ZNF177: variants seen among roughly 807,000 people sequenced by gnomAD.
ZNF177 encodes the protein zinc finger protein 177.
In ZNF177, 17 loss-of-function variants were observed where a neutral mutation model predicts 19.4. The observed-to-expected ratio is 0.87, with a 90% CI of 0.60 to 1.31. The LOEUF is 1.31. ZNF177 is among the 40% of genes most tolerant of loss of function. The pLI, the probability that ZNF177 is intolerant of heterozygous loss-of-function variation, is 0.00. For missense variants in ZNF177, 633 were observed against 561.8 expected (o/e 1.13, Z -1.28); for synonymous variants, 220 against 188.7 (o/e 1.17, Z -1.36).
chr19:9,373,677 T>A (rs114815574), upstream of ZNF177, among the ~76,000 whole-genome samples: 114 of 152,318 alleles, frequency 7.5e-4, no homozygotes, highest in African/African-American at 2.6e-3. Context: ...TTTTGATTGG[T>A]ACGTCCCTAA....
rs753409285 is a variant in ZNF177 at position 9,379,595 on chromosome 19, G to C, written c.229G>C (p.Gly77Arg). 63 of 1,613,766 alleles carry C rather than the reference G, an allele frequency of 3.9e-5. No individual in the cohort carries two copies. The highest frequency in any genetic ancestry group is 5.3e-5 in the Non-Finnish European group (62 of 1,179,908). Residue 77 changes from glycine (G) to arginine (R), a missense_variant, in exon 4 of 6, where the codon GGA (glycine) becomes CGA (arginine). Physicochemically the swap from Gly to Arg is moderately radical, Grantham distance 125 (BLOSUM62 -2). Transcript: ENST00000589262. ...AGAACAGCTGAAGACAGATGAAAGAGGAATTTTACAAGGTGACTGTGCAGG... is the reference window on the plus strand; with the variant it reads ...AGAACAGCTGAAGACAGATGAAAGACGAATTTTACAAGGTGACTGTGCAGG...
At chr19:9,374,555 A>T (rs2068086083), upstream of ZNF177, among the ~76,000 whole-genome samples, 1 of 152,050 alleles carries the variant, frequency 6.6e-6, no homozygotes, top group African/African-American at 2.4e-5. Flanking sequence ...TACTTTCACC[A>T]GTGTTTTAGA....
chr19:9,380,992 G>C, exon 6 of ZNF177: 1 of 1,561,526 alleles, frequency 6.4e-7, no homozygotes, highest in Non-Finnish European at 8.6e-7. Flanking sequence ...TTCCTGCTCA[G>C]TACGTGAGCA....
chr19:9,364,255 G>A (rs889033376), intron 1 of ZNF177, among the ~76,000 whole-genome samples: 4 of 152,172 alleles, frequency 2.6e-5, no homozygotes, highest in Non-Finnish European at 4.4e-5. Context: ...ATATACAGAT[G>A]TTCTCCTTTT....
chr19:9,376,961 A>G (rs1243607616), intron 1 of ZNF177, among the ~76,000 whole-genome samples: 1 of 152,138 alleles, frequency 6.6e-6, no homozygotes, highest in Non-Finnish European at 1.5e-5. Context: ...TCCATTACTG[A>G]TGAAGCCCCT....
chr19:9,373,203 T>G (rs1319366725), upstream of ZNF177, among the ~76,000 whole-genome samples: 1 of 152,196 alleles, frequency 6.6e-6, no homozygotes, highest in Non-Finnish European at 1.5e-5. Context: ...AGTTTGACTT[T>G]TCTAGATTCC....
At chr19:9,377,510 G>A (rs923065914) in intron 1 of ZNF177, among the ~76,000 whole-genome samples, 16 of 152,120 alleles carry the variant, frequency 1.1e-4, no homozygotes, top group Admixed American at 1.0e-3. Context: ...ACGGTAGAAG[G>A]TGTCAGACAG....
At chr19:9,371,459 TTTC>T (rs2068046337), upstream of ZNF177, among the ~76,000 whole-genome samples, 3 of 152,186 alleles carry the variant, frequency 2.0e-5, no homozygotes, top group South Asian at 6.2e-4. Flanking sequence ...TATCTTTGTA[TTTC>T]TTATAAAGAG....
intron 2 of ZNF177, 106 bp downstream of exon 4, chr19:9,378,450 A>G (rs2068142697): frequency 1.3e-6 from 2 of 1,533,690 alleles, no homozygotes; most frequent in Admixed American, 2.0e-5. Context: ...AGCTGGCTTC[A>G]TCTTCCGCAG....
chr19:9,367,145 C>T (rs543609362), intron 2 of ZNF177, among the ~76,000 whole-genome samples: 3 of 152,134 alleles, frequency 2.0e-5, no homozygotes, highest in East Asian at 3.9e-4. Flanking sequence ...ACGGTGAAAC[C>T]CCGTCTCTAC....
chr19:9,377,208 A>G lies in ZNF177; in HGVS notation c.-54+785A>G, dbSNP rs117305460. On this transcript the variant is annotated intron_variant, in intron 1 of 5. Transcript: ENST00000589262. ...AAAGCACATTACTCACATGTCTGTC[A>G]TTTAAACCTGCTGCACTGCCAGTCA... is the stretch of plus-strand genomic sequence containing the variant. Among the ~76,000 whole-genome samples the G allele has an allele frequency of 2.6e-5, 4 of 152,308 alleles. No homozygotes were observed. In the East Asian group the frequency reaches 7.7e-4, roughly 29 times the overall value.
chr19:9,374,034 C>A (rs1459332269), upstream of ZNF177, among the ~76,000 whole-genome samples: 1 of 152,012 alleles, frequency 6.6e-6, no homozygotes, highest in Admixed American at 6.6e-5. Context: ...GTTTTATGAT[C>A]TCAGGTCTTA....
At chr19:9,372,039 T>C (rs923558939), upstream of ZNF177, among the ~76,000 whole-genome samples, 104 of 152,340 alleles carry the variant, frequency 6.8e-4, no homozygotes, top group African/African-American at 2.3e-3. Context: ...GTCTTACACA[T>C]GGTACATTGT....
At chr19:9,374,513 C>T (rs1178443853), upstream of ZNF177, among the ~76,000 whole-genome samples, 2 of 152,164 alleles carry the variant, frequency 1.3e-5, no homozygotes, top group Non-Finnish European at 2.9e-5. Context: ...AATCCATGAA[C>T]ACTGGGTGGC....
intron 2 of ZNF177, among the ~76,000 whole-genome samples, chr19:9,367,074 A>G (rs935017772): frequency 6.6e-6 from 1 of 152,222 alleles, no homozygotes; most frequent in Non-Finnish European, 1.5e-5. Flanking sequence ...TAATCCCAGC[A>G]CTTTGGGAGG....
At chr19:9,370,500 A>G (rs1444502163) in intron 2 of ZNF177, among the ~76,000 whole-genome samples, 1 of 151,758 alleles carries the variant, frequency 6.6e-6, no homozygotes, top group Non-Finnish European at 1.5e-5. Flanking sequence ...TGCAGCCTGA[A>G]ACTCCTGGAC....
At chr19:9,378,853 C>G in intron 2 of ZNF177, 109 bp from the exon 5 acceptor site, 1 of 1,425,662 alleles carries the variant, frequency 7.0e-7, no homozygotes. Flanking sequence ...GTCTGAGCTT[C>G]CAGTGCCCTG....
exon 6 of ZNF177, chr19:9,381,890 G>A (rs1437948886): frequency 3.4e-6 from 5 of 1,460,320 alleles, no homozygotes; most frequent in African/African-American, 1.4e-5. Flanking sequence ...GCCCAACTCT[G>A]GATGCCTGTT....
rs758014528 is a variant in ZNF177 at position 9,380,020 on chromosome 19, T to A, written c.254-37T>A. The A allele has an allele frequency of 1.9e-6, 3 of 1,597,184 alleles. No individual in the cohort carries two copies. In the Admixed American group the frequency reaches 5.5e-5, roughly 29 times the overall value. ...CCCTTTTTCTTTGATCCCAACCTTT[T>A]CTCCCAATAATTATAAAAATTCCTG... is the stretch of plus-strand genomic sequence containing the variant. On this transcript the variant is annotated intron_variant, in intron 4 of 5. Coordinates refer to ENST00000589262, the Ensembl canonical transcript of ZNF177.
Sources: gnomAD v4.1 joint callset for allele counts (sites outside exome capture counted in the v4.1 genomes callset) on GRCh38, gnomAD v4.1.1 for gene constraint, MANE v1.5 for transcripts, NCBI Gene and HGNC (gene_info 2026-07-23, HGNC 2026-07-21) for gene names.